ANTXR2: variants seen among roughly 807,000 people sequenced by gnomAD.
ANTXR2 encodes ANTXR cell adhesion molecule 2.
Under a neutral mutation model 73.7 loss-of-function variants are expected in ANTXR2, and 44 were observed. The ratio of observed to expected loss-of-function variants is 0.60; its 90% confidence interval spans 0.47 to 0.77. ANTXR2 has a LOEUF of 0.77. ANTXR2 is among the 30% of genes least tolerant of loss of function. The pLI, the probability that ANTXR2 is intolerant of heterozygous loss-of-function variation, is 0.00. For missense variants in ANTXR2, 604 were observed against 592.5 expected, an observed-to-expected ratio of 1.02 and a Z score of -0.20; for synonymous variants, 217 against 205.9, an observed-to-expected ratio of 1.05 and a Z score of -0.46.
intron 16 of ANTXR2, among the ~76,000 whole-genome samples, chr4:79,935,149 A>G (rs1485727244): frequency 6.6e-6 from 1 of 152,072 alleles, no homozygotes; most frequent in African/African-American, 2.4e-5. Context: ...TAGGTTTGTA[A>G]CACGCCCTTA....
At chr4:79,990,684 A>G (rs1341636822) in intron 12 of ANTXR2, among the ~76,000 whole-genome samples, 1 of 152,136 alleles carries the variant, frequency 6.6e-6, no homozygotes, top group Non-Finnish European at 1.5e-5. Flanking sequence ...AAGCTATCCT[A>G]AGCAAAAAGA....
chr4:79,962,115 A>C (rs1729168111), intron 16 of ANTXR2, among the ~76,000 whole-genome samples: 1 of 152,164 alleles, frequency 6.6e-6, no homozygotes, highest in Non-Finnish European at 1.5e-5. Context: ...TTATATACCT[A>C]ATTAAGAGAT....
chr4:79,924,525 T>C (rs1727708989), intron 16 of ANTXR2, among the ~76,000 whole-genome samples: 1 of 152,016 alleles, frequency 6.6e-6, no homozygotes, highest in South Asian at 2.1e-4. Context: ...GAAACATAAC[T>C]GGATAAACCA....
At chr4:79,922,873 GAATAT>G (rs1271446639) in intron 16 of ANTXR2, among the ~76,000 whole-genome samples, 3 of 152,028 alleles carry the variant, frequency 2.0e-5, no homozygotes, top group African/African-American at 7.2e-5. Context: ...AAAACAAAAA[GAATAT>G]AATTAATGTA....
chr4:80,026,026 C>G (rs1732418953), intron 10 of ANTXR2, among the ~76,000 whole-genome samples: 1 of 152,084 alleles, frequency 6.6e-6, no homozygotes, highest in Non-Finnish European at 1.5e-5. Flanking sequence ...AAAACAATCA[C>G]CAAGTCAATT....
At chr4:79,964,114 G>C (rs2109998510) in intron 16 of ANTXR2, among the ~76,000 whole-genome samples, 1 of 152,270 alleles carries the variant, frequency 6.6e-6, no homozygotes, top group South Asian at 2.1e-4. Flanking sequence ...GTGTTACTAG[G>C]ATTCTTCAAC....
chr4:80,016,705 T>C (rs1731889915), intron 11 of ANTXR2, among the ~76,000 whole-genome samples: 1 of 152,232 alleles, frequency 6.6e-6, no homozygotes, highest in Non-Finnish European at 1.5e-5. Context: ...GAAACTGCTG[T>C]GCCTGATGAC....
chr4:79,961,966 A>C (rs866136638), intron 16 of ANTXR2, among the ~76,000 whole-genome samples: 2 of 152,120 alleles, frequency 1.3e-5, no homozygotes, highest in Non-Finnish European at 2.9e-5. Context: ...CTATATGGGG[A>C]GGGGAGACAA....
At chr4:79,926,571 T>C (rs1727789489) in intron 16 of ANTXR2, among the ~76,000 whole-genome samples, 1 of 152,186 alleles carries the variant, frequency 6.6e-6, no homozygotes, top group Non-Finnish European at 1.5e-5. Flanking sequence ...TAAAAATACA[T>C]ATTTCATCAA....
chr4:80,062,819 T>G (rs1442595633), intron 3 of ANTXR2, among the ~76,000 whole-genome samples: 1 of 152,220 alleles, frequency 6.6e-6, no homozygotes, highest in Non-Finnish European at 1.5e-5. Context: ...GTGTGAACCC[T>G]GGCTCTAGCT....
intron 7 of ANTXR2, among the ~76,000 whole-genome samples, chr4:80,045,900 A>T (rs1293046944): frequency 6.6e-6 from 1 of 151,752 alleles, no homozygotes; most frequent in Non-Finnish European, 1.5e-5. Flanking sequence ...TTCAACTAAG[A>T]ACAATTGCTA....
intron 16 of ANTXR2, among the ~76,000 whole-genome samples, chr4:79,962,246 T>C (rs985125621): frequency 3.3e-5 from 5 of 152,138 alleles, no homozygotes; most frequent in Non-Finnish European, 5.9e-5. Context: ...AATATATGCA[T>C]ATATATAGTT....
In ANTXR2 at chr4:79,908,490, ATGAC is replaced by A. The variant is rs542170542; in HGVS notation, c.1429-1027_1429-1024del. On this transcript the variant is annotated intron_variant, in intron 16 of 16. Transcript: ENST00000403729. ...GAATTTTTTTCCATTTTTTCCAAAA[ATGAC>A]TGCTCAATAAATTTGAAAATTTCAG... Among the ~76,000 whole-genome samples the A allele has an allele frequency of 4.9e-3, 748 of 152,342 alleles. 5 individuals are homozygous for A. Among genetic ancestry groups the A allele is most frequent in the African/African-American group, 0.017 (712 of 41,602 alleles).
At chr4:80,011,768 T>A (rs1232565177) in intron 11 of ANTXR2, among the ~76,000 whole-genome samples, 2 of 152,340 alleles carry the variant, frequency 1.3e-5, no homozygotes, top group South Asian at 2.1e-4. Context: ...TTTTCTTTCA[T>A]GACTAACATC....
At chr4:79,936,738 C>A (rs141154597) in intron 16 of ANTXR2, among the ~76,000 whole-genome samples, 40 of 152,174 alleles carry the variant, frequency 2.6e-4, no homozygotes, top group African/African-American at 9.4e-4. Flanking sequence ...AATTACTGCA[C>A]AATATTTAAA....
chr4:79,948,873 G>C (rs1229483805), intron 16 of ANTXR2, among the ~76,000 whole-genome samples: 1 of 152,142 alleles, frequency 6.6e-6, no homozygotes, highest in African/African-American at 2.4e-5. Context: ...AGTCTTTAAT[G>C]TAGGCATTAT....
intron 16 of ANTXR2, among the ~76,000 whole-genome samples, chr4:79,920,192 T>A (rs1344887738): frequency 6.6e-6 from 1 of 151,918 alleles, no homozygotes; most frequent in Non-Finnish European, 1.5e-5. Context: ...CATTATCTAC[T>A]AAAAACAAAT....
At chr4:80,012,518 C>A (rs1016089635) in intron 11 of ANTXR2, among the ~76,000 whole-genome samples, 1 of 152,094 alleles carries the variant, frequency 6.6e-6, no homozygotes, top group Non-Finnish European at 1.5e-5. Context: ...GACCATATGG[C>A]CCCCAAAGCC....
At chr4:79,946,440 G>T (rs1251485207) in intron 16 of ANTXR2, among the ~76,000 whole-genome samples, 2 of 152,166 alleles carry the variant, frequency 1.3e-5, no homozygotes, top group Admixed American at 6.6e-5. Context: ...TCCCGGGTAA[G>T]CTCTGGAGCT....
Sources: gnomAD v4.1 joint callset for allele counts (sites outside exome capture counted in the v4.1 genomes callset) on GRCh38, gnomAD v4.1.1 for gene constraint, MANE v1.5 for transcripts, NCBI Gene and HGNC (gene_info 2026-07-23, HGNC 2026-07-21) for gene names.